Variants in EPHA3 observed in about 807,000 individuals in gnomAD.
The protein encoded by EPHA3 is ephrin type-A receptor 3.
In EPHA3, 42 loss-of-function variants were observed where a neutral mutation model predicts 107.1. That is an observed-to-expected ratio of 0.39 (90% CI 0.31 to 0.51). The LOEUF is 0.51. Ranked by LOEUF, EPHA3 falls within the 20% of genes least tolerant of loss-of-function variation. The pLI, the probability that EPHA3 is intolerant of heterozygous loss-of-function variation, is 0.78. For synonymous variants in EPHA3, 461 were observed against 424.8 expected, an observed-to-expected ratio of 1.09 and a Z score of -1.05; for missense variants, 1,183 against 1,211.2, an observed-to-expected ratio of 0.98 and a Z score of 0.35.
At chr3:89,215,985 G>A (rs1704215521) in intron 3 of EPHA3, among the ~76,000 whole-genome samples, 1 of 151,878 alleles carries the variant, frequency 6.6e-6, no homozygotes, top group Admixed American at 6.6e-5. Context: ...ATAGTATCAA[G>A]TTCTTTTCAT....
chr3:89,402,600 A>G (rs1268015816), intron 7 of EPHA3, among the ~76,000 whole-genome samples: 10 of 151,982 alleles, frequency 6.6e-5, no homozygotes, highest in African/African-American at 2.4e-4. Flanking sequence ...CTTATTTGTT[A>G]TATATTGATT....
At chr3:89,294,710 G>C (rs1173766959) in intron 3 of EPHA3, among the ~76,000 whole-genome samples, 2 of 152,016 alleles carry the variant, frequency 1.3e-5, no homozygotes, top group Non-Finnish European at 2.9e-5. Context: ...TTGTATTTCA[G>C]TATTTGGACA....
chr3:89,134,495 G>A (rs970390848), intron 2 of EPHA3, among the ~76,000 whole-genome samples: 10 of 152,030 alleles, frequency 6.6e-5, no homozygotes, highest in Admixed American at 5.9e-4. Context: ...GCGATAGTTT[G>A]CTGAGAATGA....
At chr3:89,185,546 A>G (rs561265470) in intron 2 of EPHA3, among the ~76,000 whole-genome samples, 1 of 152,238 alleles carries the variant, frequency 6.6e-6, no homozygotes, top group South Asian at 2.1e-4. Context: ...GTCCTCCTCT[A>G]CGTTTTTCAC....
intron 5 of EPHA3, among the ~76,000 whole-genome samples, chr3:89,387,804 G>A (rs1210867633): frequency 5.3e-5 from 8 of 152,020 alleles, no homozygotes; most frequent in Non-Finnish European, 1.2e-4. Context: ...TACTTCATTT[G>A]TCATTACTTT....
intron 3 of EPHA3, among the ~76,000 whole-genome samples, chr3:89,277,098 T>C (rs975146298): frequency 1.6e-4 from 24 of 152,150 alleles, no homozygotes; most frequent in Admixed American, 1.4e-3. Context: ...TATCTTCGTG[T>C]GTTTGCTACT....
chr3:89,476,948 A>G (rs1710527244), intron 16 of EPHA3, among the ~76,000 whole-genome samples: 1 of 152,120 alleles, frequency 6.6e-6, no homozygotes, highest in Admixed American at 6.5e-5. Context: ...TCATCTAGTC[A>G]TAAAACATAG....
At chr3:89,215,993 C>A (rs1383497284) in intron 3 of EPHA3, among the ~76,000 whole-genome samples, 1 of 151,914 alleles carries the variant, frequency 6.6e-6, no homozygotes, top group Non-Finnish European at 1.5e-5. Flanking sequence ...AAGTTCTTTT[C>A]ATTAAATTAT....
chr3:89,448,677 A>T (rs947049019), intron 13 of EPHA3, among the ~76,000 whole-genome samples: 1 of 152,180 alleles, frequency 6.6e-6, no homozygotes, highest in Non-Finnish European at 1.5e-5. Flanking sequence ...TAAATTAATC[A>T]AGATGATTAT....
At chr3:89,262,510 C>T (rs1159099352) in intron 3 of EPHA3, among the ~76,000 whole-genome samples, 1 of 152,212 alleles carries the variant, frequency 6.6e-6, no homozygotes, top group East Asian at 1.9e-4. Context: ...GAGCATTTTC[C>T]TGACCACTTT....
intron 3 of EPHA3, among the ~76,000 whole-genome samples, chr3:89,216,015 T>C (rs1365895214): frequency 6.6e-6 from 1 of 151,946 alleles, no homozygotes; most frequent in African/African-American, 2.4e-5. Flanking sequence ...ATTCTTACAC[T>C]AAGTTCTTTG....
At chr3:89,141,729 T>TTATA (rs150520665) in intron 2 of EPHA3, among the ~76,000 whole-genome samples, 15 of 149,162 alleles carry the variant, frequency 1.0e-4, no homozygotes, top group African/African-American at 2.4e-4. Context: ...ATGTGATCTG[T>TTATA]TATATATATA....
At chr3:89,170,090 T>C (rs1442240417) in intron 2 of EPHA3, among the ~76,000 whole-genome samples, 5 of 151,646 alleles carry the variant, frequency 3.3e-5, no homozygotes, top group Non-Finnish European at 7.4e-5. Context: ...CTACTAAAAC[T>C]ATAAAAAAAA....
At chr3:89,178,816 T>C (rs925718789) in intron 2 of EPHA3, among the ~76,000 whole-genome samples, 3 of 151,882 alleles carry the variant, frequency 2.0e-5, no homozygotes, top group Non-Finnish European at 4.4e-5. Context: ...AAGAAAAGTG[T>C]TTTATATCAG....
intron 10 of EPHA3, among the ~76,000 whole-genome samples, chr3:89,417,725 T>C (rs1373768944): frequency 6.6e-6 from 1 of 151,494 alleles, no homozygotes; most frequent in Non-Finnish European, 1.5e-5. Flanking sequence ...CATTATCTTC[T>C]CTACACTTCC....
chr3:89,343,507 A>G (rs115680787), intron 5 of EPHA3, among the ~76,000 whole-genome samples: 1,831 of 152,264 alleles, frequency 0.012, 33 homozygotes, highest in African/African-American at 0.041. Flanking sequence ...ATCTTTGCAT[A>G]AGAGGGGTAT....
chr3:89,283,798 A>T (rs1349746194), intron 3 of EPHA3, among the ~76,000 whole-genome samples: 4 of 152,166 alleles, frequency 2.6e-5, no homozygotes, highest in African/African-American at 9.6e-5. Context: ...TTGAAAATTC[A>T]TTCTTTCCCT....
intron 3 of EPHA3, among the ~76,000 whole-genome samples, chr3:89,243,828 T>G (rs1408708317): frequency 6.6e-6 from 1 of 152,160 alleles, no homozygotes; most frequent in East Asian, 1.9e-4. Flanking sequence ...GGTGGAGTTC[T>G]TAAAGCCATT....
intron 5 of EPHA3, among the ~76,000 whole-genome samples, chr3:89,383,954 C>A (rs903924506): frequency 6.6e-6 from 1 of 151,838 alleles, no homozygotes; most frequent in Non-Finnish European, 1.5e-5. Flanking sequence ...AGCCAGTCAG[C>A]CAATTTCTAA....
Sources: allele counts gnomAD v4.1 joint callset (sites outside exome capture counted in the v4.1 genomes callset), GRCh38; gene constraint gnomAD v4.1.1; transcripts MANE v1.5; gene names NCBI Gene and HGNC (gene_info 2026-07-23, HGNC 2026-07-21).